Variants in EML4 observed in about 807,000 individuals in gnomAD.
EML4 encodes the protein echinoderm microtubule-associated protein-like 4.
In EML4, 72 loss-of-function variants were observed where a neutral mutation model predicts 129.0. That is an observed-to-expected ratio of 0.56 (90% CI 0.46 to 0.68). EML4 has a LOEUF of 0.68. Among genes scored for constraint, EML4 ranks in the 30% least tolerant of loss-of-function variants. The pLI is 0.00. For synonymous variants in EML4, 532 were observed against 405.0 expected (o/e 1.31, Z -3.77); for missense variants, 1,363 against 1,190.6 (o/e 1.14, Z -2.13).
chr2:42,307,074 A>G (rs1449575988), intron 17 of EML4, among the ~76,000 whole-genome samples: 3 of 152,238 alleles, frequency 2.0e-5, no homozygotes, highest in African/African-American at 7.2e-5. Flanking sequence ...CAAGGGAGTT[A>G]AACACTAAAT....
intron 17 of EML4, among the ~76,000 whole-genome samples, chr2:42,313,498 A>C (rs1190683065): frequency 6.6e-6 from 1 of 152,146 alleles, no homozygotes; most frequent in Non-Finnish European, 1.5e-5. Context: ...GAATGCACTA[A>C]GCCACGTTAA....
intron 2 of EML4, among the ~76,000 whole-genome samples, chr2:42,254,892 T>C (rs562229826): frequency 6.6e-6 from 1 of 152,162 alleles, no homozygotes; most frequent in East Asian, 1.9e-4. Flanking sequence ...ATCCAGATGA[T>C]CATCAACAGA....
chr2:42,235,991 C>G (rs1674651254), intron 1 of EML4, among the ~76,000 whole-genome samples: 3 of 152,140 alleles, frequency 2.0e-5, no homozygotes. Flanking sequence ...TTCCCTCCCC[C>G]TCCCTAAAAA....
At chr2:42,276,094 A>G (rs529603081) in intron 6 of EML4, among the ~76,000 whole-genome samples, 2 of 152,266 alleles carry the variant, frequency 1.3e-5, no homozygotes, top group South Asian at 2.1e-4. Flanking sequence ...ACTGGGGAGA[A>G]AAGAGGCTCC....
intron 1 of EML4, among the ~76,000 whole-genome samples, chr2:42,204,202 A>G (rs1174878623): frequency 6.6e-6 from 1 of 152,158 alleles, no homozygotes; most frequent in Non-Finnish European, 1.5e-5. Context: ...TTACAGGTAT[A>G]AGCCACCATA....
At chr2:42,259,722 C>CTTTTTTTTTTTTTTTTTTTTTTT (rs780243101) in intron 3 of EML4, among the ~76,000 whole-genome samples, 1 of 98,346 alleles carries the variant, frequency 1.0e-5, no homozygotes. Context: ...TTCTTTCTTT[C>CTTTTTTTTTTTTTTTTTTTTTTT]TTTTTTTTTT....
intron 16 of EML4, among the ~76,000 whole-genome samples, chr2:42,304,160 C>G (rs921964373): frequency 6.6e-6 from 1 of 152,060 alleles, no homozygotes; most frequent in Non-Finnish European, 1.5e-5. Flanking sequence ...ACCCAGATAT[C>G]CACCTTCTCT....
chr2:42,242,953 A>G (rs550870974), intron 1 of EML4, among the ~76,000 whole-genome samples: 2 of 151,680 alleles, frequency 1.3e-5, no homozygotes, highest in Admixed American at 1.3e-4. Flanking sequence ...AATTTTTTCC[A>G]TTTTTGTAGA....
At chr2:42,296,932 A>G (rs1216973612) in intron 13 of EML4, among the ~76,000 whole-genome samples, 1 of 152,226 alleles carries the variant, frequency 6.6e-6, no homozygotes, top group African/African-American at 2.4e-5. Flanking sequence ...GTTAGGCACT[A>G]TCTGTACGAA....
intron 8 of EML4, among the ~76,000 whole-genome samples, chr2:42,284,090 G>C (rs1158358036): frequency 6.6e-6 from 1 of 152,196 alleles, no homozygotes; most frequent in Non-Finnish European, 1.5e-5. Flanking sequence ...CCTTGCCTCA[G>C]TTTGACTTAC....
At chr2:42,244,836 T>A (rs1216208258) in intron 1 of EML4, among the ~76,000 whole-genome samples, 3 of 152,082 alleles carry the variant, frequency 2.0e-5, no homozygotes, top group Non-Finnish European at 4.4e-5. Context: ...TTAAGAAAGG[T>A]TAAATAGTTT....
intron 3 of EML4, among the ~76,000 whole-genome samples, chr2:42,258,619 C>G (rs1665511408): frequency 6.6e-6 from 1 of 152,046 alleles, no homozygotes; most frequent in African/African-American, 2.4e-5. Flanking sequence ...AGGCTGGTCT[C>G]AAACTCCCAA....
chr2:42,303,409 C>T lies in EML4; in HGVS notation c.1862C>T (p.Ser621Leu), dbSNP rs768646850. 2 of 1,613,978 alleles carry T rather than the reference C, an allele frequency of 1.2e-6. No individual in the cohort carries two copies. Among genetic ancestry groups the T allele is most frequent in the Non-Finnish European group, 8.5e-7 (1 of 1,179,968 alleles). ...GACAGGCAGGTGTGCCTGTGGAACT[C>T]AATGGAACACAGGCTGGAATGGACC... ...AQDRQVCLWN[S>L]MEHRLEWTRL... is the part of the protein sequence containing the mutation. The change falls in exon 16 of 23, where the codon TCA (serine) becomes TTA (leucine). Residue 621 changes from serine (S) to leucine (L), a missense_variant. Transcript: ENST00000318522.
intron 6 of EML4, among the ~76,000 whole-genome samples, chr2:42,276,210 ATGTTT>A (rs1666648144): frequency 6.6e-6 from 1 of 152,120 alleles, no homozygotes; most frequent in Admixed American, 6.6e-5. Flanking sequence ...TTTTCATATG[ATGTTT>A]CCCCTTTTTT....
chr2:42,235,785 T>C (rs1195355685), intron 1 of EML4, among the ~76,000 whole-genome samples: 1 of 152,150 alleles, frequency 6.6e-6, no homozygotes, highest in Non-Finnish European at 1.5e-5. Flanking sequence ...AAAACTGTCA[T>C]AAAGACCATC....
At chr2:42,329,459 A>G (rs919108990) in intron 22 of EML4, among the ~76,000 whole-genome samples, 1 of 152,220 alleles carries the variant, frequency 6.6e-6, no homozygotes, top group South Asian at 2.1e-4. Flanking sequence ...TATACGACCA[A>G]CATCTAGAAG....
intron 1 of EML4, among the ~76,000 whole-genome samples, chr2:42,174,977 T>G (rs6544511): frequency 6.6e-6 from 1 of 151,748 alleles, no homozygotes; most frequent in Non-Finnish European, 1.5e-5. Context: ...CCAGCATGTC[T>G]GGCTAATTTT....
intron 6 of EML4, among the ~76,000 whole-genome samples, chr2:42,270,370 G>T (rs955543293): frequency 6.6e-6 from 1 of 152,116 alleles, no homozygotes; most frequent in Non-Finnish European, 1.5e-5. Flanking sequence ...ATCAGCCTGG[G>T]CAACATGGCA....
chr2:42,239,242 G>A (rs1674867413), intron 1 of EML4, among the ~76,000 whole-genome samples: 1 of 152,040 alleles, frequency 6.6e-6, no homozygotes, highest in Non-Finnish European at 1.5e-5. Flanking sequence ...ATATAAAATC[G>A]GTAAAATCCA....
Sources: allele counts gnomAD v4.1 joint callset (sites outside exome capture counted in the v4.1 genomes callset), GRCh38; gene constraint gnomAD v4.1.1; transcripts MANE v1.5; gene names NCBI Gene and HGNC (gene_info 2026-07-23, HGNC 2026-07-21).